Variants in TRPM6 observed in about 807,000 individuals in gnomAD.
TRPM6 encodes channel kinase 2.
In TRPM6, 111 loss-of-function variants were observed where a neutral mutation model predicts 247.6. The observed-to-expected ratio is 0.45, with a 90% CI of 0.38 to 0.52. The LOEUF is 0.52. Ranked by LOEUF, TRPM6 falls within the 20% of genes least tolerant of loss-of-function variation. The probability of loss-of-function intolerance (pLI) is 0.00; values close to 1 mark genes in which losing one functional copy is unlikely to be tolerated. For synonymous variants in TRPM6, 892 were observed against 853.8 expected, an observed-to-expected ratio of 1.04 and a Z score of -0.78; for missense variants, 2,126 against 2,421.5, an observed-to-expected ratio of 0.88 and a Z score of 2.56.
intron 13 of TRPM6, among the ~76,000 whole-genome samples, chr9:74,809,587 G>T (rs1828652645): frequency 6.6e-6 from 1 of 151,636 alleles, no homozygotes; most frequent in Non-Finnish European, 1.5e-5. Context: ...GTTTACTGTG[G>T]CACAGTTTAA....
intron 27 of TRPM6, among the ~76,000 whole-genome samples, chr9:74,758,382 A>G (rs1826505652): frequency 6.6e-6 from 1 of 152,196 alleles, no homozygotes; most frequent in Non-Finnish European, 1.5e-5. Context: ...AAACTAATGA[A>G]AAGTTTAGCA....
chr9:74,828,397 C>T (rs1564033337), intron 6 of TRPM6, among the ~76,000 whole-genome samples: 1 of 152,100 alleles, frequency 6.6e-6, no homozygotes, highest in Non-Finnish European at 1.5e-5. Context: ...AGCAGTGCTT[C>T]TCAAACTATC....
rs202133088 is a variant in TRPM6 at position 74,887,829 on chromosome 9, A to G, written c.28T>C (p.Leu10=). 7.6e-5 allele frequency: 122 copies of G among 1,614,038 alleles called. No homozygotes were observed. Among genetic ancestry groups the G allele is most frequent in the Admixed American group, 1.2e-4 (7 of 59,994 alleles). Residue 10 remains leucine, a synonymous_variant, in exon 1 of 39, where the codon TTG becomes CTG. Coordinates refer to ENST00000360774, the MANE Select transcript of TRPM6 (RefSeq NM_017662.5). MKEQPVLER[L]QSQKSWIKGV... is the part of the protein sequence containing the mutation. ...GTCGAGCAGCCTGAGCTTACCTGCA[A>G]GCGCTCCAAGACAGGTTGTTCTTTC...
Position 74,782,301 on chromosome 9 carries a change from T to G in TRPM6, c.3209+61A>C, listed in dbSNP as rs144236632. The G allele has an allele frequency of 3.0e-4, 370 of 1,236,338 alleles. 3 individuals carry two copies. The East Asian group carries it at 6.7e-3, about 22-fold the overall frequency. The allele number at this position is 1,236,338 out of a possible 1,614,324, so 76.6% of individuals were successfully genotyped here. A position where few individuals can be genotyped will look rare whatever the true frequency, so the allele number is the denominator to read the frequency against. On this transcript the variant is annotated intron_variant, in intron 23 of 38. Transcript: ENST00000360774. ...TACATACTCAAAGTACATGTGAATC[T>G]ACTCAACATATCTGCCCACATTTCT...
At chr9:74,743,752 G>C (rs538992113) in intron 32 of TRPM6, among the ~76,000 whole-genome samples, 1 of 152,292 alleles carries the variant, frequency 6.6e-6, no homozygotes, top group African/African-American at 2.4e-5. Context: ...ACTACTTTCA[G>C]GTCTGCCTTT....
chr9:74,874,759 ATT>A (rs34812726), intron 1 of TRPM6, among the ~76,000 whole-genome samples: 15 of 143,188 alleles, frequency 1.0e-4, no homozygotes, highest in Non-Finnish European at 9.2e-5. Flanking sequence ...TTGTAATTGT[ATT>A]TTTTTTTTTT....
intron 7 of TRPM6, among the ~76,000 whole-genome samples, chr9:74,824,171 T>A (rs999192621): frequency 6.0e-5 from 9 of 150,868 alleles, no homozygotes; most frequent in African/African-American, 1.7e-4. Context: ...TTTTTTTTTT[T>A]ATGGAGTCTC....
In TRPM6 at chr9:74,875,327, C is replaced by A. The variant is rs544746095; in HGVS notation, c.33+12497G>T. 6.0e-3 allele frequency: 2,672 copies of A among 446,176 alleles called. 16 individuals carry two copies. The highest frequency in any genetic ancestry group is 8.2e-3 in the Non-Finnish European group (1,830 of 222,282). The allele number at this position is 446,176 out of a possible 1,614,324, so 27.6% of individuals were successfully genotyped here. The stretch of plus-strand genomic sequence containing the variant: ...GGAGACCGAGGTGGGTGGATCACCT[C>A]AGGTCAGGAGTTCGAGACCAGCCTG... On this transcript the variant is annotated intron_variant, in intron 1 of 38. Coordinates refer to ENST00000360774, the MANE Select transcript of TRPM6 (RefSeq NM_017662.5).
chr9:74,782,462 G>T lies in TRPM6; in HGVS notation c.3109C>A (p.Pro1037Thr). ...AGAAAAGAACCAGGAGGGCAGGATG[G>T]CTGGCTTGAACAAACTACAAATAAA... is the stretch of plus-strand genomic sequence containing the variant. ...AGEIDVCSSQ[P>T]SCPPGSFLTP... The change falls in exon 23 of 39, where the codon CCA (proline) becomes ACA (threonine). Residue 1037 changes from proline (P) to threonine (T), a missense_variant. This residue lies in a region of TRPM6 where 1,082 missense variants were observed against 1,307.9 expected (regional missense o/e 0.83). Transcript: ENST00000360774. 6.2e-7 allele frequency: 1 copy of T among 1,613,790 alleles called. No individual in the cohort carries two copies. Among genetic ancestry groups the T allele is most frequent in the Non-Finnish European group, 8.5e-7 (1 of 1,179,746 alleles).
chr9:74,778,971 G>A (rs1431907662), intron 23 of TRPM6, among the ~76,000 whole-genome samples: 2 of 152,120 alleles, frequency 1.3e-5, no homozygotes, highest in East Asian at 1.9e-4. Context: ...CCCATCAACA[G>A]CCCCCACTTA....
intron 7 of TRPM6, among the ~76,000 whole-genome samples, chr9:74,826,233 A>G (rs1404574968): frequency 2.6e-5 from 4 of 152,222 alleles, no homozygotes; most frequent in Non-Finnish European, 4.4e-5. Flanking sequence ...TTCATTTTAT[A>G]ATAAGAAAAC....
At chr9:74,769,614 C>T (rs1826952641) in intron 25 of TRPM6, among the ~76,000 whole-genome samples, 1 of 151,598 alleles carries the variant, frequency 6.6e-6, no homozygotes, top group Non-Finnish European at 1.5e-5. Flanking sequence ...AAAAATTAGC[C>T]GGGTGTGGTG....
At position 74,801,901 on chromosome 9, in the gene TRPM6, G is replaced by C. The variant is rs1828352164; in HGVS notation, c.2006C>G (p.Ser669Ter). The C allele has an allele frequency of 1.2e-6, 2 of 1,614,098 alleles. No individual in the cohort carries two copies. The highest frequency in any genetic ancestry group is 1.7e-4 in the Middle Eastern group (1 of 6,060). Residue 669 changes from serine (S) to a stop codon, truncating the protein, a stop_gained, in exon 16 of 39, where the codon TCA (serine) becomes TGA (stop). Transcript: ENST00000360774. LOFTEE classifies it high-confidence loss of function. ...GAAGTGAAGAGAGAACACTTACTTT[G>C]AGTAATTCTTCAACTCTTCTGAGGC... ...DDASEELKNY[S>*]KQFGQLALDL...
Position 74,812,411 on chromosome 9 carries a change from A to G in TRPM6, c.1331T>C (p.Met444Thr). 2 of 1,614,084 alleles carry G rather than the reference A, an allele frequency of 1.2e-6. No homozygotes were observed. The highest frequency in any genetic ancestry group is 8.5e-7 in the Non-Finnish European group (1 of 1,179,966). The change falls in exon 12 of 39, where the codon ATG (methionine) becomes ACG (threonine). Residue 444 changes from methionine to threonine, a missense_variant. Physicochemically the swap from Met to Thr is moderately conservative, Grantham distance 81. Around this residue, in one of 3 missense-constraint regions of TRPM6, gnomAD observed 1,082 missense variants for 1,307.9 expected, o/e 0.83. Transcript: ENST00000360774. ...CCGATCCATCACTAAAGCATCTGAC[A>G]TTGCTTGTTCCAGGGCATCAGGCTT... ...HWKPDALEQA[M>T]SDALVMDRVD... is the part of the protein sequence containing the mutation.
chr9:74,790,933 C>T (rs538251541), intron 19 of TRPM6, among the ~76,000 whole-genome samples: 75 of 152,324 alleles, frequency 4.9e-4, no homozygotes, highest in African/African-American at 1.8e-3. Context: ...AAAGTACTCA[C>T]ACCTAGGTAA....
chr9:74,800,850 G>C (rs1828301352), intron 16 of TRPM6, among the ~76,000 whole-genome samples: 1 of 150,016 alleles, frequency 6.7e-6, no homozygotes, highest in South Asian at 2.1e-4. Context: ...TTATACATAG[G>C]CTTATACATA....
chr9:74,776,533 TA>T lies in TRPM6; in HGVS notation c.3210-458del, dbSNP rs370974989. On this transcript the variant is annotated intron_variant, in intron 23 of 38. Coordinates refer to ENST00000360774, the MANE Select transcript of TRPM6 (RefSeq NM_017662.5). ...TTAAAATATGCAAACAGTACAGTGT[TA>T]GTGAAGAAACGGAAGAAGAATCAAT... 6.6e-5 allele frequency among the ~76,000 whole-genome samples: 10 copies of T among 152,312 alleles called. No individual in the cohort carries two copies. In the East Asian group the frequency reaches 1.7e-3, roughly 26 times the overall value.
chr9:74,820,351 T>G lies in TRPM6; in HGVS notation c.1087A>C (p.Lys363Gln). 6.2e-7 allele frequency: 1 copy of G among 1,614,146 alleles called. No homozygotes were observed. Among genetic ancestry groups the G allele is most frequent in the African/African-American group, 1.3e-5 (1 of 75,020 alleles). Residue 363 changes from lysine to glutamine, a missense_variant, in exon 9 of 39, where the codon AAG becomes CAG. Lys to Gln is a moderately conservative substitution (Grantham distance 53). Transcript: ENST00000360774. ...TCCATTAGAATTTGGAAAAGGTGCTTGGACTGTTTAAGACTAAAGTTGAAA... is the reference window on the plus strand; with the variant it reads ...TCCATTAGAATTTGGAAAAGGTGCTGGGACTGTTTAAGACTAAAGTTGAAA... Reference protein sequence around the residue: ...NTFNFSLKQSKHLFQILMECM... With the variant: ...NTFNFSLKQSQHLFQILMECM...
chr9:74,791,601 A>G (rs953121020), intron 19 of TRPM6, among the ~76,000 whole-genome samples: 2 of 151,832 alleles, frequency 1.3e-5, no homozygotes, highest in Non-Finnish European at 2.9e-5. Flanking sequence ...ACTATCCATA[A>G]TAGATTTAGT....
Sources: gnomAD v4.1 joint callset for allele counts (sites outside exome capture counted in the v4.1 genomes callset) on GRCh38, gnomAD v4.1.1 for gene constraint, gnomAD v4.1.1 regional missense constraint, MANE v1.5 for transcripts, NCBI Gene and HGNC (gene_info 2026-07-23, HGNC 2026-07-21) for gene names.